The following APIP variants were observed in gnomAD, a reference collection of about 807,000 sequenced individuals.
APIP encodes the protein APAF1 interacting protein.
In APIP, 32 loss-of-function variants were observed where a neutral mutation model predicts 32.0. The observed-to-expected ratio is 1.00, with a 90% CI of 0.76 to 1.34. The LOEUF is 1.34. Among genes scored for constraint, APIP ranks in the 40% most tolerant of loss-of-function variants. The pLI is 0.00. For synonymous variants in APIP, 92 were observed against 94.8 expected, an observed-to-expected ratio of 0.97 and a Z score of 0.17; for missense variants, 247 against 298.6, an observed-to-expected ratio of 0.83 and a Z score of 1.27.
chr11:34,902,323 A>T (rs11500295), intron 1 of APIP, among the ~76,000 whole-genome samples: 28,797 of 152,148 alleles, frequency 0.19, 3,896 homozygotes, highest in African/African-American at 0.39. Context: ...CTCATCCTCA[A>T]GTTAGGGTCT....
chr11:34,892,632 G>A (rs776845262), intron 2 of APIP, among the ~76,000 whole-genome samples: 2 of 152,076 alleles, frequency 1.3e-5, no homozygotes, highest in Non-Finnish European at 2.9e-5. Flanking sequence ...TCCTGGAATT[G>A]CCTTGATTAC....
chr11:34,901,341 G>C (rs763127921), intron 1 of APIP, among the ~76,000 whole-genome samples: 4 of 151,142 alleles, frequency 2.6e-5, no homozygotes, highest in Non-Finnish European at 5.9e-5. Flanking sequence ...CCCAGAGACG[G>C]AGGTCACTGG....
chr11:34,905,449 A>G (rs562211130), intron 1 of APIP, among the ~76,000 whole-genome samples: 1 of 152,320 alleles, frequency 6.6e-6, no homozygotes, highest in African/African-American at 2.4e-5. Context: ...TAAATTGGAC[A>G]TGGTATGGGA....
intron 1 of APIP, among the ~76,000 whole-genome samples, chr11:34,895,725 C>G (rs72928507): frequency 6.7e-6 from 1 of 149,540 alleles, no homozygotes; most frequent in African/African-American, 2.5e-5. Flanking sequence ...TATGAAGATA[C>G]GTGTTTATGA....
chr11:34,905,433 C>T (rs943706694), intron 1 of APIP, among the ~76,000 whole-genome samples: 2 of 152,190 alleles, frequency 1.3e-5, no homozygotes, highest in Admixed American at 6.5e-5. Context: ...AAAGACCTAG[C>T]AGGCATAAAT....
intron 1 of APIP, among the ~76,000 whole-genome samples, chr11:34,906,609 C>T (rs7127846): frequency 0.19 from 28,806 of 152,200 alleles, 3,895 homozygotes; most frequent in African/African-American, 0.39. Context: ...ACCACAGTAG[C>T]AGCACAGAAT....
At chr11:34,911,984 T>A (rs982947351) in intron 1 of APIP, among the ~76,000 whole-genome samples, 1 of 152,236 alleles carries the variant, frequency 6.6e-6, no homozygotes, top group East Asian at 1.9e-4. Context: ...CATGTTTGCA[T>A]TTTTCAGCCT....
At chr11:34,888,632 G>T in intron 4 of APIP, 120 bp downstream of exon 4, 2 of 1,102,770 alleles carry the variant, frequency 1.8e-6, no homozygotes, top group Non-Finnish European at 1.3e-6. Flanking sequence ...GTAAGTTCAT[G>T]CACTTCAAGT....
intron 1 of APIP, among the ~76,000 whole-genome samples, chr11:34,902,769 T>C (rs11500298): frequency 0.084 from 12,752 of 152,210 alleles, 564 homozygotes; most frequent in African/African-American, 0.097. Context: ...TCAGCCTTCC[T>C]GTAGGGAAGG....
intron 2 of APIP, among the ~76,000 whole-genome samples, chr11:34,891,637 C>A (rs982271424): frequency 6.6e-6 from 1 of 152,156 alleles, no homozygotes; most frequent in Admixed American, 6.6e-5. Flanking sequence ...ATCAAAGTTT[C>A]TTTAAGGTTC....
chr11:34,895,629 A>G (rs1332626103), intron 1 of APIP, among the ~76,000 whole-genome samples: 1 of 152,236 alleles, frequency 6.6e-6, no homozygotes, highest in African/African-American at 2.4e-5. Flanking sequence ...TGAAAAAGCA[A>G]TATATACTCA....
intron 1 of APIP, among the ~76,000 whole-genome samples, chr11:34,901,741 C>T (rs1033729255): frequency 2.0e-5 from 3 of 152,146 alleles, no homozygotes; most frequent in Non-Finnish European, 4.4e-5. Flanking sequence ...AGCCCCAGGA[C>T]AAACTCTTTG....
intron 1 of APIP, among the ~76,000 whole-genome samples, chr11:34,904,989 C>T (rs1179565049): frequency 6.6e-6 from 1 of 152,208 alleles, no homozygotes; most frequent in African/African-American, 2.4e-5. Context: ...TTTTGAGATT[C>T]GCTGCCAAAT....
At chr11:34,892,483 A>G (rs2133908988) in intron 2 of APIP, among the ~76,000 whole-genome samples, 1 of 152,228 alleles carries the variant, frequency 6.6e-6, no homozygotes, top group South Asian at 2.1e-4. Flanking sequence ...TTTGTCTACA[A>G]TGTGACTTTA....
intron 2 of APIP, among the ~76,000 whole-genome samples, chr11:34,894,441 T>C (rs1056043402): frequency 3.3e-5 from 4 of 121,262 alleles, no homozygotes; most frequent in Admixed American, 2.2e-4. Context: ...GACCAGCCCA[T>C]GCAACTTAGT....
intron 3 of APIP, 146 bp from the exon 4 acceptor site, chr11:34,889,015 CAT>C (rs766358715): frequency 6.3e-4 from 244 of 390,290 alleles, no homozygotes; most frequent in Non-Finnish European, 9.9e-4. Flanking sequence ...TATACATATA[CAT>C]AGAGTGCTAA....
chr11:34,910,326 A>G (rs1853526177), intron 1 of APIP, among the ~76,000 whole-genome samples: 1 of 152,196 alleles, frequency 6.6e-6, no homozygotes. Context: ...AGTGAGCTTC[A>G]CTCACTTTCA....
At chr11:34,909,011 G>C (rs905109698) in intron 1 of APIP, among the ~76,000 whole-genome samples, 1 of 152,148 alleles carries the variant, frequency 6.6e-6, no homozygotes. Context: ...GTCAGTAAAC[G>C]AAAGAGGCTG....
chr11:34,906,254 T>C (rs1853453137), intron 1 of APIP, among the ~76,000 whole-genome samples: 1 of 152,208 alleles, frequency 6.6e-6, no homozygotes, highest in African/African-American at 2.4e-5. Flanking sequence ...TCCTGACTTA[T>C]TATTTTTAAA....
Sources: allele counts gnomAD v4.1 joint callset (sites outside exome capture counted in the v4.1 genomes callset), GRCh38; gene constraint gnomAD v4.1.1; transcripts MANE v1.5; gene names NCBI Gene and HGNC (gene_info 2026-07-23, HGNC 2026-07-21).